Variants in CTNNA3 observed in about 807,000 individuals in gnomAD.
CTNNA3 encodes catenin alpha-3.
In CTNNA3, 76 loss-of-function variants were observed where a neutral mutation model predicts 95.7. The observed-to-expected ratio is 0.79, with a 90% CI of 0.66 to 0.96. The LOEUF (loss-of-function observed/expected upper bound fraction) is 0.96. Among genes scored for constraint, CTNNA3 ranks in the 40% least tolerant of loss-of-function variants. CTNNA3 has a pLI of 0.00. For missense variants in CTNNA3, 1,191 were observed against 1,089.8 expected (o/e 1.09, Z -1.31); for synonymous variants, 431 against 374.4 (o/e 1.15, Z -1.74).
chr10:66,024,841 C>A (rs143046620), intron 15 of CTNNA3, among the ~76,000 whole-genome samples: 4 of 152,124 alleles, frequency 2.6e-5, no homozygotes, highest in African/African-American at 9.7e-5. Flanking sequence ...ATCAGTGATA[C>A]AGAGAGCAGA....
intron 3 of CTNNA3, among the ~76,000 whole-genome samples, chr10:67,566,666 A>G (rs1442133434): frequency 6.6e-6 from 1 of 152,126 alleles, no homozygotes. Context: ...CCATCCCATT[A>G]CTGGGTATAT....
rs1163871457 is a variant in CTNNA3, at chr10:67,137,850, A to G, written c.1047+42467T>C. ...ATGTCTATTAAAAAGGAGGGCTTGTATGAGTTATCATGACATGCATCACTA... is the reference window on the plus strand; with the variant it reads ...ATGTCTATTAAAAAGGAGGGCTTGTGTGAGTTATCATGACATGCATCACTA... On this transcript the variant is annotated intron_variant, in intron 7 of 17. Coordinates refer to ENST00000433211, the MANE Select transcript of CTNNA3 (RefSeq NM_013266.4). Among the ~76,000 whole-genome samples, 3 of 151,998 alleles carry G rather than the reference A, an allele frequency of 2.0e-5. 1 individual carries two copies. Among genetic ancestry groups the G allele is most frequent in the Admixed American group, 2.0e-4 (3 of 15,254 alleles).
At chr10:67,236,177 C>T (rs1001381508) in intron 5 of CTNNA3, among the ~76,000 whole-genome samples, 2 of 149,110 alleles carry the variant, frequency 1.3e-5, no homozygotes, top group Non-Finnish European at 3.0e-5. Flanking sequence ...ACCCAAAGGA[C>T]TATAAATCAT....
chr10:65,961,045 G>C lies in CTNNA3; in HGVS notation c.2400+5567C>G, dbSNP rs939634023. On this transcript the variant is annotated intron_variant, in intron 17 of 17. Transcript: ENST00000433211. ...TCATTTGCTTGACTTTATTCCATCAGTTGTAGTCTTAATTTTTCACAGGTT... is the reference window on the plus strand; with the variant it reads ...TCATTTGCTTGACTTTATTCCATCACTTGTAGTCTTAATTTTTCACAGGTT... 3.9e-5 allele frequency among the ~76,000 whole-genome samples: 6 copies of C among 151,934 alleles called. No homozygotes were observed. The East Asian group carries it at 7.7e-4, about 20-fold the overall frequency.
At chr10:67,179,261 A>G (rs946449258) in intron 7 of CTNNA3, among the ~76,000 whole-genome samples, 1 of 151,972 alleles carries the variant, frequency 6.6e-6, no homozygotes, top group Admixed American at 6.6e-5. Flanking sequence ...GTTTAGCTCT[A>G]TTATTTAAGG....
chr10:66,081,116 G>T (rs1426234887), intron 14 of CTNNA3, among the ~76,000 whole-genome samples: 1 of 152,156 alleles, frequency 6.6e-6, no homozygotes, highest in Non-Finnish European at 1.5e-5. Context: ...TCAGAAGTCA[G>T]AAGTCAACCA....
At chr10:67,673,960 C>T (rs1266725737) in intron 1 of CTNNA3, among the ~76,000 whole-genome samples, 5 of 151,442 alleles carry the variant, frequency 3.3e-5, no homozygotes. Flanking sequence ...TAATCAAGCA[C>T]GTTTCGGTAA....
chr10:67,142,292 C>G (rs1314768752), intron 7 of CTNNA3, among the ~76,000 whole-genome samples: 2 of 152,050 alleles, frequency 1.3e-5, no homozygotes, highest in South Asian at 4.1e-4. Flanking sequence ...AAGGTATATT[C>G]TCTTCTCCTC....
chr10:66,627,532 G>A (rs981428886), intron 9 of CTNNA3, among the ~76,000 whole-genome samples: 3 of 152,042 alleles, frequency 2.0e-5, no homozygotes, highest in Admixed American at 6.6e-5. Flanking sequence ...AGAGAACCAC[G>A]ATTCTTAGTA....
chr10:67,032,516 T>C (rs1275781871), intron 7 of CTNNA3, among the ~76,000 whole-genome samples: 1 of 152,158 alleles, frequency 6.6e-6, no homozygotes, highest in African/African-American at 2.4e-5. Context: ...TGAGAAGATA[T>C]CACAAATCAG....
At chr10:66,572,873 A>G (rs1842910265) in intron 10 of CTNNA3, among the ~76,000 whole-genome samples, 1 of 152,092 alleles carries the variant, frequency 6.6e-6, no homozygotes, top group Non-Finnish European at 1.5e-5. Flanking sequence ...CGTGTGTGCA[A>G]ATATCAGTCT....
chr10:67,256,321 T>C (rs1375144349), intron 5 of CTNNA3, among the ~76,000 whole-genome samples: 2 of 152,202 alleles, frequency 1.3e-5, no homozygotes, highest in Non-Finnish European at 2.9e-5. Context: ...CTTGATTGTA[T>C]ACCAAGATTA....
At chr10:66,250,900 T>C (rs531592141) in intron 13 of CTNNA3, among the ~76,000 whole-genome samples, 2 of 152,230 alleles carry the variant, frequency 1.3e-5, no homozygotes, top group Admixed American at 6.5e-5. Context: ...GAGGGTAACA[T>C]AGACCATCAA....
At chr10:67,563,208 C>G (rs1353838167) in intron 3 of CTNNA3, among the ~76,000 whole-genome samples, 1 of 152,160 alleles carries the variant, frequency 6.6e-6, no homozygotes, top group African/African-American at 2.4e-5. Flanking sequence ...AAGAACAAAG[C>G]TGGAGGCATC....
chr10:65,930,685 CTCAT>C (rs768642394), intron 17 of CTNNA3, among the ~76,000 whole-genome samples: 9 of 152,080 alleles, frequency 5.9e-5, no homozygotes, highest in African/African-American at 9.7e-5. Flanking sequence ...CATTCATACT[CTCAT>C]TCAAAGAAAT....
At chr10:67,296,484 C>T (rs1022909498) in intron 5 of CTNNA3, among the ~76,000 whole-genome samples, 1 of 152,158 alleles carries the variant, frequency 6.6e-6, no homozygotes, top group Admixed American at 6.5e-5. Context: ...CCAAAAATGG[C>T]AGCGATTTTA....
intron 13 of CTNNA3, among the ~76,000 whole-genome samples, chr10:66,155,836 G>A (rs1166302618): frequency 6.6e-6 from 1 of 151,778 alleles, no homozygotes; most frequent in Non-Finnish European, 1.5e-5. Context: ...AAGAACTTCT[G>A]TTTTTTAAAA....
chr10:66,955,787 C>T (rs1848758775), intron 7 of CTNNA3, among the ~76,000 whole-genome samples: 1 of 152,138 alleles, frequency 6.6e-6, no homozygotes, highest in Non-Finnish European at 1.5e-5. Context: ...ATGGTATAAA[C>T]ATTACCCATT....
At chr10:66,977,966 T>C (rs1039250922) in intron 7 of CTNNA3, among the ~76,000 whole-genome samples, 1 of 152,152 alleles carries the variant, frequency 6.6e-6, no homozygotes, top group Non-Finnish European at 1.5e-5. Flanking sequence ...TTAGTCAAAC[T>C]TTTATTCCTA....
Sources: allele counts gnomAD v4.1 joint callset (sites outside exome capture counted in the v4.1 genomes callset), GRCh38; gene constraint gnomAD v4.1.1; transcripts MANE v1.5; gene names NCBI Gene and HGNC (gene_info 2026-07-23, HGNC 2026-07-21).